SANBR: variants seen among roughly 807,000 people sequenced by gnomAD.
SANBR encodes the protein SANT and BTB domain regulator of class switch recombination.
In SANBR, 77 loss-of-function variants were observed where a neutral mutation model predicts 101.8. The observed-to-expected ratio is 0.76, with a 90% CI of 0.63 to 0.91. The LOEUF (loss-of-function observed/expected upper bound fraction) is 0.91. Among genes scored for constraint, SANBR ranks in the 40% least tolerant of loss-of-function variants. SANBR has a pLI of 0.00. For missense variants in SANBR, 875 were observed against 853.0 expected, an observed-to-expected ratio of 1.03 and a Z score of -0.32; for synonymous variants, 279 against 274.7, an observed-to-expected ratio of 1.02 and a Z score of -0.15.
In SANBR at chr2:61,088,255, C is replaced by A; in HGVS notation, c.977+10C>A. ...CAGCAACATTGTATAGGTATGCTAA[C>A]ATGTTTTTTTCTTTGGTGTACTTTA... On this transcript the variant is annotated intron_variant, in intron 9 of 21. Coordinates refer to ENST00000402291, the MANE Select transcript of SANBR (RefSeq NM_001129993.3). The A allele has an allele frequency of 6.3e-7, 1 of 1,593,238 alleles. No individual in the cohort carries two copies. Among genetic ancestry groups the A allele is most frequent in the Non-Finnish European group, 8.6e-7 (1 of 1,169,564 alleles).
At chr2:61,118,424 A>G (rs948035112) in intron 20 of SANBR, among the ~76,000 whole-genome samples, 3 of 151,542 alleles carry the variant, frequency 2.0e-5, no homozygotes, top group South Asian at 2.1e-4. Flanking sequence ...TGTATTTAGT[A>G]GAGATGGGGT....
Position 61,077,012 on chromosome 2 carries a change from A to C in SANBR, c.524A>C (p.Tyr175Ser). 1 of 1,614,122 alleles carries C rather than the reference A, an allele frequency of 6.2e-7. No homozygotes were observed. The highest frequency in any genetic ancestry group is 8.5e-7 in the Non-Finnish European group (1 of 1,179,958). Reference protein sequence around the residue: ...PRDLLISEMKYFAEYLSMDAQ... With the variant: ...PRDLLISEMKSFAEYLSMDAQ... The stretch of plus-strand genomic sequence containing the variant: ...GATCTTTTGATATCAGAAATGAAGT[A>C]CTTTGCTGAATATTTATCTATGGAT... The change falls in exon 6 of 22, where the codon TAC (tyrosine) becomes TCC (serine). Residue 175 changes from tyrosine (Y) to serine (S), a missense_variant. Tyr to Ser is a moderately radical substitution (Grantham distance 144). Transcript: ENST00000402291.
At chr2:61,073,965 A>G (rs1161929393) in intron 5 of SANBR, among the ~76,000 whole-genome samples, 1 of 88,218 alleles carries the variant, frequency 1.1e-5, no homozygotes, top group Non-Finnish European at 2.1e-5. Flanking sequence ...GTGTATTGCA[A>G]GTTTTGATAG....
intron 12 of SANBR, among the ~76,000 whole-genome samples, chr2:61,101,964 G>A (rs553087566): frequency 4.6e-5 from 7 of 151,968 alleles, no homozygotes; most frequent in South Asian, 2.1e-4. Context: ...TCCAGGAGGC[G>A]GAGGTTGCAG....
chr2:61,072,531 C>T (rs1338583923), intron 4 of SANBR, among the ~76,000 whole-genome samples: 1 of 152,146 alleles, frequency 6.6e-6, no homozygotes, highest in African/African-American at 2.4e-5. Context: ...CAGCTTTGAT[C>T]AAGCCACTGC....
intron 10 of SANBR, among the ~76,000 whole-genome samples, chr2:61,091,835 G>C (rs1304831175): frequency 2.6e-5 from 4 of 152,008 alleles, no homozygotes; most frequent in Non-Finnish European, 5.9e-5. Context: ...TGGTTTTGAG[G>C]CTTTGCTATT....
chr2:61,096,411 C>T (rs1262686637), intron 11 of SANBR, among the ~76,000 whole-genome samples: 2 of 152,104 alleles, frequency 1.3e-5, no homozygotes, highest in African/African-American at 4.8e-5. Context: ...TTCTCCAAAC[C>T]AACTCCTGGG....
rs1316767760 is a variant in SANBR, at chr2:61,122,480, G to A, written c.*318G>A. ...TGAAAAAGAAAGGCCTAAACTGTCA[G>A]GTAGCCAAGTTTTTTTAAGACCTTA... is the stretch of plus-strand genomic sequence containing the variant. On this transcript the variant is annotated 3_prime_UTR_variant, in exon 22 of 22. Coordinates refer to ENST00000402291, the MANE Select transcript of SANBR (RefSeq NM_001129993.3). 6.6e-6 allele frequency: 7 copies of A among 1,056,458 alleles called. No homozygotes were observed. Among genetic ancestry groups the A allele is most frequent in the Non-Finnish European group, 6.8e-6 (6 of 876,928 alleles). 65.4% of individuals were successfully genotyped at this position (1,056,458 alleles called of 1,614,324 possible).
intron 5 of SANBR, 51 bp downstream of exon 5, chr2:61,073,602 A>G: frequency 1.0e-6 from 1 of 1,004,894 alleles, no homozygotes; most frequent in Non-Finnish European, 1.5e-6. Flanking sequence ...TATCAACTTC[A>G]TAAAATATAT....
In SANBR at chr2:61,076,987, G is replaced by T; in HGVS notation, c.499G>T (p.Asp167Tyr). 4 of 1,614,126 alleles carry T rather than the reference G, an allele frequency of 2.5e-6. No individual in the cohort carries two copies. Among genetic ancestry groups the T allele is most frequent in the Non-Finnish European group, 3.4e-6 (4 of 1,180,018 alleles). Residue 167 changes from aspartate (D) to tyrosine (Y), a missense_variant, in exon 6 of 22, where the codon GAT becomes TAT. Physicochemically the swap from Asp to Tyr is radical, Grantham distance 160. Transcript: ENST00000402291. Reference protein sequence around the residue: ...NLKEDFTCPRDLLISEMKYFA... With the variant: ...NLKEDFTCPRYLLISEMKYFA... ...GAAAGAAGATTTTACTTGCCCGCGA[G>T]ATCTTTTGATATCAGAAATGAAGTA... is the stretch of plus-strand genomic sequence containing the variant.
chr2:61,098,375 A>G (rs1326149975), intron 12 of SANBR, among the ~76,000 whole-genome samples: 1 of 152,080 alleles, frequency 6.6e-6, no homozygotes, highest in Non-Finnish European at 1.5e-5. Context: ...GAGTGCCGGG[A>G]TTACAGGTGT....
intron 8 of SANBR, among the ~76,000 whole-genome samples, chr2:61,085,545 T>G (rs1054885127): frequency 6.6e-6 from 1 of 151,952 alleles, no homozygotes; most frequent in Admixed American, 6.6e-5. Flanking sequence ...AATTTCACTC[T>G]TGTCACCCAG....
rs764227391 is a variant in SANBR at position 61,088,389 on chromosome 2, G to A, written c.1009G>A (p.Glu337Lys). ...TTTGTGTAAGAAACTTTTAACAAAA[G>A]AAACAGAAAGAAGAATTCCTTGCAT... ...CCLCKKLLTK[E>K]TERRIPCIPG... Residue 337 changes from glutamate to lysine, a missense_variant, in exon 10 of 22, where the codon GAA (glutamate) becomes AAA (lysine). Transcript: ENST00000402291. 1 of 1,598,590 alleles carries A rather than the reference G, an allele frequency of 6.3e-7. No individual in the cohort carries two copies. The highest frequency in any genetic ancestry group is 1.1e-5 in the South Asian group (1 of 87,414).
chr2:61,097,974 T>TC, intron 12 of SANBR, 122 bp downstream of exon 12: 1 of 645,246 alleles, frequency 1.5e-6, no homozygotes, highest in Non-Finnish European at 2.4e-6. Flanking sequence ...TTTATAACAC[T>TC]CCCCCATTTT....
chr2:61,090,434 C>T (rs912871409), intron 10 of SANBR: 1 of 151,790 alleles, frequency 6.6e-6, no homozygotes, highest in African/African-American at 2.4e-5. Context: ...AAAGTATTTT[C>T]CTACATGTCA....
rs750842135 is a variant in SANBR at position 61,131,476 on chromosome 2, CA to C, written c.2029-2657del. 3.8e-3 allele frequency among the ~76,000 whole-genome samples: 571 copies of C among 152,022 alleles called. 1 individual carries two copies. The highest frequency in any genetic ancestry group is 6.8e-3 in the Non-Finnish European group (465 of 67,940). On this transcript the variant is annotated intron_variant, in intron 20 of 21. Coordinates refer to the SANBR transcript ENST00000295031. ...ATTAAAGGCCTAATGATAAATTTAACAAAAGAAACAGAAAACATTCTGAAAA... is the reference window on the plus strand; with the variant it reads ...ATTAAAGGCCTAATGATAAATTTAACAAAGAAACAGAAAACATTCTGAAAA...
chr2:61,085,858 G>A (rs1384592191), intron 8 of SANBR, among the ~76,000 whole-genome samples: 1 of 151,998 alleles, frequency 6.6e-6, no homozygotes, highest in Non-Finnish European at 1.5e-5. Context: ...TTTGGTATCT[G>A]GTAATTTAAA....
At chr2:61,093,175 T>C (rs887813322) in intron 11 of SANBR, 1 of 152,170 alleles carries the variant, frequency 6.6e-6, no homozygotes, top group African/African-American at 2.4e-5. Flanking sequence ...ATAAAACTAG[T>C]GGCAAAAGCA....
intron 12 of SANBR, among the ~76,000 whole-genome samples, chr2:61,098,372 G>T (rs997265293): frequency 2.0e-5 from 3 of 152,098 alleles, no homozygotes; most frequent in Non-Finnish European, 2.9e-5. Context: ...CCAGAGTGCC[G>T]GGATTACAGG....
Sources: allele counts gnomAD v4.1 joint callset (sites outside exome capture counted in the v4.1 genomes callset), GRCh38; gene constraint gnomAD v4.1.1; transcripts MANE v1.5; gene names NCBI Gene and HGNC (gene_info 2026-07-23, HGNC 2026-07-21).